The following WASF2 variants were observed in gnomAD, a reference collection of about 807,000 sequenced individuals.
The protein encoded by WASF2 is actin-binding protein WASF2.
A neutral mutation model predicts 45.0 loss-of-function variants in WASF2; 14 were observed. The observed-to-expected ratio is 0.31, with a 90% confidence interval of 0.21 to 0.49. WASF2 has a LOEUF of 0.49. Ranked by LOEUF, WASF2 falls within the 20% of genes least tolerant of loss-of-function variation. WASF2 has a pLI of 0.99. For missense variants in WASF2, 439 were observed against 636.1 expected, an observed-to-expected ratio of 0.69 and a Z score of 3.33; for synonymous variants, 200 against 236.3, an observed-to-expected ratio of 0.85 and a Z score of 1.41.
chr1:27,450,560 G>A (rs2017370877), intron 1 of WASF2, among the ~76,000 whole-genome samples: 2 of 152,156 alleles, frequency 1.3e-5, no homozygotes, highest in Admixed American at 1.3e-4. Context: ...GAGTGCAATG[G>A]CACAATCTCA....
At chr1:27,461,135 G>C (rs2017538549) in intron 1 of WASF2, among the ~76,000 whole-genome samples, 1 of 152,028 alleles carries the variant, frequency 6.6e-6, no homozygotes, top group South Asian at 2.1e-4. Flanking sequence ...GACAGAGCAA[G>C]ACTCCGTCTC....
rs1197764251 is a variant in WASF2, at chr1:27,414,835, A to C, written c.666T>G (p.Ser222=). ...FVESKEKLGT[S]GYPPTLVYQN... is the part of the protein sequence containing the mutation. The stretch of plus-strand genomic sequence containing the variant: ...AACAGTACAAAGGCATTACCTACCC[A>C]GAAGTCCCCAGCTTTTCTTTGGACT... The change falls in exon 6 of 9, where the codon TCT becomes TCG. Residue 222 remains serine, a splice_region_variant and synonymous_variant. Coordinates refer to ENST00000618852, the MANE Select transcript of WASF2 (RefSeq NM_006990.5). This position sits in a 1 kb window ranked among gnomAD's most constrained non-coding sequence, Gnocchi z 4.1. 6.2e-7 allele frequency: 1 copy of C among 1,614,036 alleles called. No homozygotes were observed. The highest frequency in any genetic ancestry group is 1.3e-5 in the African/African-American group (1 of 74,910).
intron 1 of WASF2, among the ~76,000 whole-genome samples, chr1:27,432,466 G>C (rs1030809353): frequency 1.9e-4 from 29 of 151,760 alleles, no homozygotes; most frequent in Non-Finnish European, 5.9e-5. Context: ...GGCTAACATG[G>C]TGAAACGCCG....
In WASF2 at chr1:27,424,768, G is replaced by A. The variant is rs371643004; in HGVS notation, c.130+3993C>T. Among the ~76,000 whole-genome samples the A allele has an allele frequency of 3.3e-5, 5 of 152,080 alleles. No individual in the cohort carries two copies. In the South Asian group the frequency reaches 8.3e-4, roughly 25 times the overall value. On this transcript the variant is annotated intron_variant, in intron 2 of 8. Coordinates refer to ENST00000618852, the MANE Select transcript of WASF2 (RefSeq NM_006990.5). ...ATTCCAGGGCCCAAGCAATCCTCCC[G>A]CCTCCACCTCCCAGAGTGCTAGGAT...
intron 2 of WASF2, 93 bp from the exon 3 acceptor site, chr1:27,419,181 C>T: frequency 7.2e-7 from 1 of 1,384,790 alleles, no homozygotes; most frequent in South Asian, 1.2e-5. Context: ...CCCTAACCCC[C>T]AAACACATAC....
chr1:27,425,871 G>GGTGTGGTGGCACATGCCT (rs1186371275), intron 2 of WASF2, among the ~76,000 whole-genome samples: 2 of 140,784 alleles, frequency 1.4e-5, no homozygotes, highest in African/African-American at 5.3e-5. Context: ...AAATTAGCTG[G>GGTGTGGTGGCACATGCCT]GTGTGGTGGC....
chr1:27,473,495 T>C (rs1029069177), intron 1 of WASF2, among the ~76,000 whole-genome samples: 1 of 150,066 alleles, frequency 6.7e-6, no homozygotes, highest in Non-Finnish European at 1.5e-5. Context: ...AAAAGTTACA[T>C]TGTTAATCAT....
chr1:27,455,042 A>G (rs1250734370), intron 1 of WASF2, among the ~76,000 whole-genome samples: 1 of 152,160 alleles, frequency 6.6e-6, no homozygotes, highest in Non-Finnish European at 1.5e-5. Flanking sequence ...AGACAATACC[A>G]AATTGTTTTT....
At chr1:27,434,630 G>A (rs77902868) in intron 1 of WASF2, among the ~76,000 whole-genome samples, 3,913 of 152,144 alleles carry the variant, frequency 0.026, 171 homozygotes, top group African/African-American at 0.088. Flanking sequence ...TATACCCAAG[G>A]GGCTCCTGGA....
intron 2 of WASF2, among the ~76,000 whole-genome samples, chr1:27,423,140 CAA>C (rs35025475): frequency 1.8e-3 from 182 of 103,234 alleles, no homozygotes; most frequent in East Asian, 4.7e-3. Flanking sequence ...GACTCCATCT[CAA>C]AAAAAAAAAA....
intron 6 of WASF2, 92 bp from the exon 7 acceptor site, chr1:27,412,819 A>G (rs2016782484): frequency 2.7e-6 from 4 of 1,470,650 alleles, no homozygotes; most frequent in Non-Finnish European, 3.8e-6. Flanking sequence ...CATTTGATAC[A>G]AAAGCTATTA....
chr1:27,419,081 A>G lies in WASF2; in HGVS notation c.138T>C (p.Tyr46=). The change falls in exon 3 of 9, where the codon TAT becomes TAC. Residue 46 remains tyrosine, a synonymous_variant. Coordinates refer to ENST00000618852, the MANE Select transcript of WASF2 (RefSeq NM_006990.5). ...VIRQLGSLSK[Y]AEDIFGELFT... ...AGAGCTCTCCAAAAATGTCCTCTGC[A>G]TATTTACCTGGAAAGAGCAAAGAAA... is the stretch of plus-strand genomic sequence containing the variant. 6.2e-7 allele frequency: 1 copy of G among 1,613,760 alleles called. No individual in the cohort carries two copies. The highest frequency in any genetic ancestry group is 8.5e-7 in the Non-Finnish European group (1 of 1,179,754).
At chr1:27,416,132 C>G in intron 4 of WASF2, 30 bp from the exon 5 acceptor site, 1 of 1,591,280 alleles carries the variant, frequency 6.3e-7, no homozygotes, top group East Asian at 2.2e-5. Flanking sequence ...AAGTAGCTGT[C>G]AGTAGACAGA....
chr1:27,447,600 A>G (rs2017327608), intron 1 of WASF2, among the ~76,000 whole-genome samples: 1 of 152,212 alleles, frequency 6.6e-6, no homozygotes, highest in Non-Finnish European at 1.5e-5. Context: ...TGGTCCGAAA[A>G]GACAGTGACA....
chr1:27,457,898 C>T (rs2017494153), intron 1 of WASF2, among the ~76,000 whole-genome samples: 1 of 152,102 alleles, frequency 6.6e-6, no homozygotes, highest in Admixed American at 6.6e-5. Context: ...GCTAGGGTTA[C>T]AGGCATAAGC....
At chr1:27,415,955 T>G (rs763452971) in intron 5 of WASF2, 30 bp downstream of exon 5, 2 of 1,566,244 alleles carry the variant, frequency 1.3e-6, no homozygotes, top group South Asian at 2.2e-5. Flanking sequence ...TGCCTACTGA[T>G]GTGGAGAACA....
chr1:27,454,171 ATATATATATATATATATT>A (rs1557612294), intron 1 of WASF2, among the ~76,000 whole-genome samples: 6,128 of 36,880 alleles, frequency 0.17, 116 homozygotes, highest in Non-Finnish European at 0.19. Flanking sequence ...ATATATATAT[ATATATATATATATATATT>A]TTTTTTTTTT....
chr1:27,416,739 G>T (rs747118991), intron 4 of WASF2, among the ~76,000 whole-genome samples: 1 of 152,194 alleles, frequency 6.6e-6, no homozygotes, highest in African/African-American at 2.4e-5. Context: ...GCCAGCTGTT[G>T]TAAGACCACA....
rs1036284728 is a variant in WASF2, at chr1:27,414,316, C to T, written c.668+517G>A. The stretch of plus-strand genomic sequence containing the variant: ...ATATATAGCCTCAATACTGGCCAAG[C>T]AACCTTTCCCACACTGTCTATGAGG... On this transcript the variant is annotated intron_variant, in intron 6 of 8. Transcript: ENST00000618852. The surrounding 1 kb of genome is among the most constrained non-coding windows in gnomAD (Gnocchi z 4.1). Among the ~76,000 whole-genome samples, 1 of 152,224 alleles carries T rather than the reference C, an allele frequency of 6.6e-6. No homozygotes were observed. The highest frequency in any genetic ancestry group is 1.5e-5 in the Non-Finnish European group (1 of 68,032).
Sources: allele counts gnomAD v4.1 joint callset (sites outside exome capture counted in the v4.1 genomes callset), GRCh38; gene constraint gnomAD v4.1.1; non-coding constraint Gnocchi (gnomAD v3.1); transcripts MANE v1.5; gene names NCBI Gene and HGNC (gene_info 2026-07-23, HGNC 2026-07-21).